The following CERS6 variants were observed in gnomAD, a reference collection of about 807,000 sequenced individuals.
CERS6 encodes ceramide synthase 6.
A neutral mutation model predicts 56.8 loss-of-function variants in CERS6; 26 were observed. That is an observed-to-expected ratio of 0.46 (90% CI 0.34 to 0.63). The LOEUF (loss-of-function observed/expected upper bound fraction) is 0.63. Among genes scored for constraint, CERS6 ranks in the 30% least tolerant of loss-of-function variants. The pLI, the probability that CERS6 is intolerant of heterozygous loss-of-function variation, is 0.01. For synonymous variants in CERS6, 164 were observed against 173.3 expected (o/e 0.95, Z 0.42); for missense variants, 415 against 467.5 (o/e 0.89, Z 1.04).
At chr2:168,617,426 G>A in intron 3 of CERS6, among the ~76,000 whole-genome samples, 1 of 151,976 alleles carries the variant, frequency 6.6e-6, no homozygotes, top group East Asian at 1.9e-4. Context: ...AATTGCAAAA[G>A]ATAAATGAAA....
chr2:168,719,247 G>A (rs1161739573), intron 8 of CERS6, among the ~76,000 whole-genome samples: 1 of 152,184 alleles, frequency 6.6e-6, no homozygotes, highest in Admixed American at 6.5e-5. Context: ...ATAATTTGGG[G>A]TATGGGGTGG....
At chr2:168,667,598 A>G (rs1475761271) in intron 4 of CERS6, among the ~76,000 whole-genome samples, 1 of 151,708 alleles carries the variant, frequency 6.6e-6, no homozygotes, top group Non-Finnish European at 1.5e-5. Context: ...TTTTTTAAAT[A>G]TGTTCTCTCT....
At chr2:168,583,044 T>C (rs75919305) in intron 3 of CERS6, 2,876 of 152,926 alleles carry the variant, frequency 0.019, 130 homozygotes, top group East Asian at 0.18. Flanking sequence ...TACAAAATAA[T>C]GCATAGACAA....
intron 3 of CERS6, among the ~76,000 whole-genome samples, chr2:168,581,471 A>G (rs1683408298): frequency 6.6e-6 from 1 of 151,804 alleles, no homozygotes; most frequent in African/African-American, 2.4e-5. Flanking sequence ...CTTCCCTTCC[A>G]TGTTGTTCAT....
At chr2:168,581,476 G>A (rs887644563) in intron 3 of CERS6, among the ~76,000 whole-genome samples, 3 of 151,930 alleles carry the variant, frequency 2.0e-5, no homozygotes, top group African/African-American at 7.3e-5. Context: ...CTTCCATGTT[G>A]TTCATTGTTT....
chr2:168,487,891 A>T (rs1391493462), intron 1 of CERS6, among the ~76,000 whole-genome samples: 1 of 151,202 alleles, frequency 6.6e-6, no homozygotes, highest in Admixed American at 6.6e-5. Flanking sequence ...TAATTTTTAA[A>T]TTTTTTTTTG....
intron 1 of CERS6, among the ~76,000 whole-genome samples, chr2:168,544,106 A>G (rs1429675885): frequency 1.3e-5 from 2 of 152,230 alleles, no homozygotes; most frequent in Non-Finnish European, 2.9e-5. Flanking sequence ...TCAAAGAAAG[A>G]TGATTTATGC....
chr2:168,607,284 C>T (rs1684074591), intron 3 of CERS6, among the ~76,000 whole-genome samples: 1 of 152,124 alleles, frequency 6.6e-6, no homozygotes, highest in South Asian at 2.1e-4. Flanking sequence ...AATGTTGCAA[C>T]ATCTTTCCTT....
At position 168,641,521 on chromosome 2, in the gene CERS6, T is replaced by C. The variant is rs181873213; in HGVS notation, c.465+10479T>C. Among the ~76,000 whole-genome samples the C allele has an allele frequency of 2.5e-4, 38 of 152,258 alleles. 1 individual carries two copies. The East Asian group carries it at 7.1e-3, about 29-fold the overall frequency. ...GTTTGCTAATGTAGCATCACGTACA[T>C]AGAATGACCGTCCTCACCTTTACCT... On this transcript the variant is annotated intron_variant, in intron 4 of 9. Coordinates refer to ENST00000305747, the MANE Select transcript of CERS6 (RefSeq NM_203463.3).
At chr2:168,552,347 TATAC>T (rs1433335775) in intron 2 of CERS6, among the ~76,000 whole-genome samples, 36 of 62,990 alleles carry the variant, frequency 5.7e-4, no homozygotes, top group African/African-American at 1.6e-3. Flanking sequence ...ACATACAGAG[TATAC>T]ACACACACAC....
intron 4 of CERS6, among the ~76,000 whole-genome samples, chr2:168,682,027 A>G (rs763754648): frequency 6.6e-6 from 1 of 152,166 alleles, no homozygotes; most frequent in Non-Finnish European, 1.5e-5. Context: ...TTTAAAATCT[A>G]TTCATCTGTT....
At chr2:168,542,688 CTTTTTTTTGGGGGGTGTTA>C (rs71003045) in intron 1 of CERS6, among the ~76,000 whole-genome samples, 58,388 of 151,700 alleles carry the variant, frequency 0.38, 13,080 homozygotes, top group South Asian at 0.7. Context: ...TCATGGTTTT[CTTTTTTTTGGGGGGTGTTA>C]TTTTTTTTGG....
At chr2:168,498,943 T>G (rs1392796750) in intron 1 of CERS6, among the ~76,000 whole-genome samples, 1 of 152,170 alleles carries the variant, frequency 6.6e-6, no homozygotes, top group Non-Finnish European at 1.5e-5. Flanking sequence ...GACCGTGAAC[T>G]TAGTTTTCAA....
intron 2 of CERS6, among the ~76,000 whole-genome samples, chr2:168,557,587 CAAAT>C (rs750036640): frequency 6.6e-6 from 1 of 152,064 alleles, no homozygotes; most frequent in African/African-American, 2.4e-5. Context: ...CATCTGGAAA[CAAAT>C]AAAGTTAGAT....
intron 8 of CERS6, among the ~76,000 whole-genome samples, chr2:168,740,897 G>A (rs1265542219): frequency 6.6e-6 from 1 of 152,172 alleles, no homozygotes; most frequent in East Asian, 1.9e-4. Context: ...AGAGTAGAGT[G>A]GTGGTAGTGG....
At chr2:168,702,555 T>A (rs1436057197) in intron 6 of CERS6, among the ~76,000 whole-genome samples, 10 of 152,160 alleles carry the variant, frequency 6.6e-5, no homozygotes, top group Admixed American at 6.5e-4. Flanking sequence ...TCTGATGAGA[T>A]TGGTAGTGAT....
chr2:168,662,117 A>G (rs918783972), intron 4 of CERS6, among the ~76,000 whole-genome samples: 1 of 139,378 alleles, frequency 7.2e-6, no homozygotes, highest in Non-Finnish European at 1.5e-5. Flanking sequence ...TATACCATTC[A>G]AGGCTGTCTC....
At chr2:168,523,238 A>G (rs1695013556) in intron 1 of CERS6, among the ~76,000 whole-genome samples, 1 of 152,154 alleles carries the variant, frequency 6.6e-6, no homozygotes, top group Non-Finnish European at 1.5e-5. Context: ...TTCAAACGAC[A>G]TTATCTTTTA....
chr2:168,705,890 T>C (rs141169509), intron 6 of CERS6, among the ~76,000 whole-genome samples: 479 of 152,304 alleles, frequency 3.1e-3, no homozygotes, highest in Non-Finnish European at 4.8e-3. Context: ...CTTGCATCAC[T>C]TAAGACTGTT....
Sources: gnomAD v4.1 joint callset for allele counts (sites outside exome capture counted in the v4.1 genomes callset) on GRCh38, gnomAD v4.1.1 for gene constraint, MANE v1.5 for transcripts, NCBI Gene and HGNC (gene_info 2026-07-23, HGNC 2026-07-21) for gene names.